SOX5: variants seen among roughly 807,000 people sequenced by gnomAD.
SOX5 encodes SRY-box transcription factor 5.
In SOX5, 9 loss-of-function variants were observed where a neutral mutation model predicts 92.0. The observed-to-expected ratio is 0.10, with a 90% CI of 0.06 to 0.17. SOX5 has a LOEUF of 0.17. Ranked by LOEUF, SOX5 falls within the 10% of genes least tolerant of loss-of-function variation. The probability of loss-of-function intolerance (pLI) is 1.00; values close to 1 mark genes in which losing one functional copy is unlikely to be tolerated. For missense variants in SOX5, 642 were observed against 944.5 expected, an observed-to-expected ratio of 0.68 and a Z score of 4.20; for synonymous variants, 344 against 336.3, an observed-to-expected ratio of 1.02 and a Z score of -0.25.
chr12:24,123,940 C>A (rs1241221243), intron 4 of SOX5, among the ~76,000 whole-genome samples: 1 of 152,180 alleles, frequency 6.6e-6, no homozygotes, highest in Non-Finnish European at 1.5e-5. Flanking sequence ...CCAGAAGTTG[C>A]ATGCTAAATG....
At chr12:24,322,064 G>A (rs1445559222) in intron 2 of SOX5, among the ~76,000 whole-genome samples, 1 of 152,100 alleles carries the variant, frequency 6.6e-6, no homozygotes, top group Non-Finnish European at 1.5e-5. Flanking sequence ...TAAATTGGAA[G>A]TACAGAGTTT....
intron 1 of SOX5, among the ~76,000 whole-genome samples, chr12:24,401,534 A>T (rs56001041): frequency 1.3e-5 from 2 of 151,246 alleles, no homozygotes; most frequent in South Asian, 2.1e-4. Context: ...ACATAGCGAG[A>T]CCTCGTCTCT....
At chr12:23,716,482 C>G (rs892691887) in intron 6 of SOX5, among the ~76,000 whole-genome samples, 1 of 152,176 alleles carries the variant, frequency 6.6e-6, no homozygotes, top group Admixed American at 6.5e-5. Flanking sequence ...CTAATTAAAG[C>G]TATGAAGTAA....
chr12:23,567,677 A>G (rs1432632969), intron 10 of SOX5, among the ~76,000 whole-genome samples: 1 of 151,928 alleles, frequency 6.6e-6, no homozygotes, highest in Non-Finnish European at 1.5e-5. Context: ...GCTGGTCTAG[A>G]ACTCCTGGAT....
At chr12:23,952,841 A>C (rs998602090), upstream of SOX5, among the ~76,000 whole-genome samples, 33 of 152,230 alleles carry the variant, frequency 2.2e-4, no homozygotes, top group African/African-American at 7.7e-4. Context: ...ACTTGGGCAA[A>C]CAGAATTTAA....
intron 1 of SOX5, among the ~76,000 whole-genome samples, chr12:24,444,270 A>ATGTG (rs56206607): frequency 0.2 from 29,499 of 149,044 alleles, 3,495 homozygotes; most frequent in East Asian, 0.63. Context: ...AGGCCACTGA[A>ATGTG]TGTGTGTGTG....
chr12:24,317,459 T>A (rs1949802398), intron 2 of SOX5, among the ~76,000 whole-genome samples: 1 of 152,228 alleles, frequency 6.6e-6, no homozygotes, highest in African/African-American at 2.4e-5. Flanking sequence ...TGAATATTAA[T>A]CTTAAGACAG....
At chr12:23,853,543 GTTTTTT>G (rs67299596) in intron 2 of SOX5, among the ~76,000 whole-genome samples, 2 of 129,048 alleles carry the variant, frequency 1.5e-5, no homozygotes, top group Middle Eastern at 4.1e-3. Context: ...TGTCTAACGT[GTTTTTT>G]TTTTTTTTTT....
chr12:23,768,436 T>C (rs571786166), intron 3 of SOX5, among the ~76,000 whole-genome samples: 1 of 152,226 alleles, frequency 6.6e-6, no homozygotes, highest in Non-Finnish European at 1.5e-5. Flanking sequence ...AACAATTACA[T>C]CTCTCACCTA....
intron 8 of SOX5, among the ~76,000 whole-genome samples, chr12:23,630,639 T>C (rs2078414332): frequency 6.6e-6 from 1 of 152,010 alleles, no homozygotes; most frequent in African/African-American, 2.4e-5. Context: ...AAATAATACA[T>C]TTATTGTTCC....
chr12:23,957,461 G>A (rs780010246), intron 4 of SOX5, among the ~76,000 whole-genome samples: 3 of 152,248 alleles, frequency 2.0e-5, no homozygotes, highest in East Asian at 1.9e-4. Context: ...AATACCTCAC[G>A]TGTGTGATGG....
At chr12:24,281,253 A>C (rs1407227836) in intron 2 of SOX5, among the ~76,000 whole-genome samples, 5 of 151,830 alleles carry the variant, frequency 3.3e-5, no homozygotes, top group South Asian at 4.1e-4. Context: ...AAAAAAAAAA[A>C]AAAACTGTTG....
intron 3 of SOX5, among the ~76,000 whole-genome samples, chr12:24,219,566 C>T (rs1033317554): frequency 1.3e-5 from 2 of 151,984 alleles, no homozygotes; most frequent in Non-Finnish European, 2.9e-5. Flanking sequence ...ACTCAAGAGG[C>T]TACATAACCT....
intron 1 of SOX5, among the ~76,000 whole-genome samples, chr12:24,389,140 T>C (rs952586546): frequency 6.6e-6 from 1 of 151,484 alleles, no homozygotes; most frequent in Non-Finnish European, 1.5e-5. Flanking sequence ...CAGAGTGTGA[T>C]GTTCCCCTTC....
chr12:23,573,526 C>T (rs1948684459), intron 10 of SOX5, among the ~76,000 whole-genome samples: 1 of 152,128 alleles, frequency 6.6e-6, no homozygotes, highest in Admixed American at 6.6e-5. Context: ...TTCTAAAATA[C>T]CCACTTGCTC....
At chr12:23,584,475 T>A (rs1463381543) in intron 9 of SOX5, 8 of 1,097,448 alleles carry the variant, frequency 7.3e-6, no homozygotes, top group Non-Finnish European at 1.1e-5. Context: ...ATAGAAAGCA[T>A]CATTATGCAT....
At chr12:24,022,104 G>A (rs984355865) in intron 4 of SOX5, among the ~76,000 whole-genome samples, 1 of 152,126 alleles carries the variant, frequency 6.6e-6, no homozygotes, top group Admixed American at 6.6e-5. Context: ...GGTCTTTACA[G>A]TTCAGTCAGT....
intron 2 of SOX5, among the ~76,000 whole-genome samples, chr12:23,887,585 AT>A (rs1180677090): frequency 1.3e-5 from 2 of 152,140 alleles, no homozygotes; most frequent in African/African-American, 4.8e-5. Context: ...TGTCCTGGCT[AT>A]TTCCAGTATC....
intron 2 of SOX5, among the ~76,000 whole-genome samples, chr12:23,853,072 A>G (rs548704861): frequency 6.6e-6 from 1 of 151,638 alleles, no homozygotes; most frequent in East Asian, 1.9e-4. Context: ...GAAAAGAAGG[A>G]TAGTGGGGAT....
Sources: gnomAD v4.1 joint callset for allele counts (sites outside exome capture counted in the v4.1 genomes callset) on GRCh38, gnomAD v4.1.1 for gene constraint, MANE v1.5 for transcripts, NCBI Gene and HGNC (gene_info 2026-07-23, HGNC 2026-07-21) for gene names.